TBCD: variants seen among roughly 807,000 people sequenced by gnomAD.
The protein encoded by TBCD is tubulin folding cofactor D, also known as tubulin-specific chaperone D.
Under a neutral mutation model 169.3 loss-of-function variants are expected in TBCD, and 105 were observed. That is an observed-to-expected ratio of 0.62 (90% CI 0.53 to 0.73). The LOEUF (loss-of-function observed/expected upper bound fraction) is 0.73, where lower values mean the gene tolerates loss of function less well. Ranked by LOEUF, TBCD falls within the 30% of genes least tolerant of loss-of-function variation. TBCD has a pLI of 0.00. For missense variants in TBCD, 1,444 were observed against 1,600.1 expected (o/e 0.90, Z 1.66); for synonymous variants, 700 against 643.9 (o/e 1.09, Z -1.32).
intron 20 of TBCD, 62 bp from the exon 21 acceptor site, chr17:82,907,699 A>G: frequency 1.3e-6 from 2 of 1,587,914 alleles, no homozygotes; most frequent in Non-Finnish European, 1.7e-6. Context: ...AGCTCCTCCG[A>G]GTGTACTCGG....
At chr17:82,814,756 C>T in intron 12 of TBCD, 84 bp from the exon 13 acceptor site, 1 of 1,322,868 alleles carries the variant, frequency 7.6e-7, no homozygotes, top group Non-Finnish European at 1.1e-6. Flanking sequence ...ATGGACCTGC[C>T]AGGCTGTGCT....
intron 17 of TBCD, among the ~76,000 whole-genome samples, chr17:82,894,186 T>C (rs1262842723): frequency 1.3e-5 from 1 of 79,858 alleles, no homozygotes; most frequent in African/African-American, 6.7e-5. Context: ...TAGAAACAAA[T>C]GTTTAGCACC....
At chr17:82,893,667 C>A in intron 17 of TBCD, 35 bp downstream of exon 17, 1 of 1,454,394 alleles carries the variant, frequency 6.9e-7, no homozygotes, top group Non-Finnish European at 9.4e-7. Flanking sequence ...AAATAGAATA[C>A]TCTAAAATCA....
At chr17:82,776,553 G>C (rs1218366095) in intron 6 of TBCD, among the ~76,000 whole-genome samples, 1 of 152,216 alleles carries the variant, frequency 6.6e-6, no homozygotes, top group Non-Finnish European at 1.5e-5. Flanking sequence ...GTCAGAGTCA[G>C]CACTGTGCTT....
rs1419944659 is a variant in TBCD, at chr17:82,889,026, G to A, written c.1534-642G>A. ...TGGGAAGGACGGGGCACCAGCTGGT[G>A]ACACATGGGAAGGGAGGTGTGGTTG... On this transcript the variant is annotated intron_variant, in intron 15 of 38. Coordinates refer to ENST00000355528, the MANE Select transcript of TBCD (RefSeq NM_005993.5). The surrounding 1 kb of genome is among the most constrained non-coding windows in gnomAD (Gnocchi z 5.3). Among the ~76,000 whole-genome samples the A allele has an allele frequency of 6.6e-6, 1 of 152,214 alleles. No individual in the cohort carries two copies. The highest frequency in any genetic ancestry group is 1.5e-5 in the Non-Finnish European group (1 of 68,026).
chr17:82,939,548 CT>C, intron 37 of TBCD, 72 bp downstream of exon 37: 1 of 1,212,172 alleles, frequency 8.2e-7, no homozygotes. Context: ...ACCGTGTCTA[CT>C]CGTCTCTCCC....
intron 21 of TBCD, chr17:82,908,448 A>T: frequency 2.2e-6 from 1 of 452,920 alleles, no homozygotes; most frequent in Non-Finnish European, 4.4e-6. Context: ...GTAAAGTATG[A>T]ACTATGGATC....
chr17:82,823,043 G>A (rs1422414999), intron 13 of TBCD, among the ~76,000 whole-genome samples: 1 of 152,240 alleles, frequency 6.6e-6, no homozygotes, highest in East Asian at 1.9e-4. Flanking sequence ...CTGAGAGGGG[G>A]AAGGGGTGGA....
chr17:82,815,800 C>T (rs2051845991), intron 13 of TBCD, among the ~76,000 whole-genome samples: 1 of 152,156 alleles, frequency 6.6e-6, no homozygotes, highest in Admixed American at 6.5e-5. Flanking sequence ...GACCGCTTTG[C>T]ACTTGGCATT....
intron 13 of TBCD, chr17:82,829,995 T>TTTTG (rs142352768): frequency 6.6e-5 from 82 of 1,237,876 alleles, no homozygotes; most frequent in East Asian, 3.9e-4. Flanking sequence ...TTGGAGGGTT[T>TTTTG]TTTGTTTGTT....
intron 2 of TBCD, among the ~76,000 whole-genome samples, chr17:82,759,888 G>GT (rs71885635): frequency 0.077 from 9,373 of 121,426 alleles, 843 homozygotes; most frequent in African/African-American, 0.21. Context: ...TCGTTTGTTT[G>GT]TTTTTTTTTT....
intron 16 of TBCD, among the ~76,000 whole-genome samples, 174 bp from the exon 17 acceptor site, chr17:82,893,373 G>T (rs1255952618): frequency 6.6e-6 from 1 of 152,260 alleles, no homozygotes; most frequent in Non-Finnish European, 1.5e-5. Context: ...CAGGAAGTCA[G>T]TGTGACGTGG....
chr17:82,849,372 C>T (rs373190380), intron 13 of TBCD, among the ~76,000 whole-genome samples: 1 of 152,264 alleles, frequency 6.6e-6, no homozygotes, highest in Non-Finnish European at 1.5e-5. Flanking sequence ...TGTTTCTCCT[C>T]AGCTAAGTCC....
chr17:82,798,232 C>T (rs975401287), intron 8 of TBCD, among the ~76,000 whole-genome samples: 14 of 151,242 alleles, frequency 9.3e-5, no homozygotes, highest in Admixed American at 5.3e-4. Context: ...CTGCAAACTC[C>T]GCCTCCTGGA....
intron 13 of TBCD, among the ~76,000 whole-genome samples, chr17:82,860,742 A>C (rs1175507898): frequency 6.6e-6 from 1 of 152,176 alleles, no homozygotes; most frequent in Non-Finnish European, 1.5e-5. Flanking sequence ...GTTCCACCCC[A>C]GCGCCCTTGT....
intron 13 of TBCD, among the ~76,000 whole-genome samples, chr17:82,841,387 G>A (rs1376907775): frequency 6.6e-6 from 1 of 151,158 alleles, no homozygotes; most frequent in Non-Finnish European, 1.5e-5. Flanking sequence ...GTGCGATCAC[G>A]GTTCACTGTA....
chr17:82,760,324 T>C (rs2047687671), intron 2 of TBCD, among the ~76,000 whole-genome samples: 1 of 152,238 alleles, frequency 6.6e-6, no homozygotes. Flanking sequence ...AATTCACAAA[T>C]TCATGTAGGG....
chr17:82,847,245 C>T (rs548559020), intron 13 of TBCD, among the ~76,000 whole-genome samples: 48 of 150,286 alleles, frequency 3.2e-4, no homozygotes, highest in Non-Finnish European at 5.9e-4. Context: ...CCCAACTACT[C>T]GGGAGGCTGA....
In TBCD at chr17:82,920,570, G is replaced by C; in HGVS notation, c.2053G>C (p.Glu685Gln). 6.0e-6 allele frequency: 9 copies of C among 1,496,878 alleles called. No homozygotes were observed. The highest frequency in any genetic ancestry group is 8.1e-6 in the Non-Finnish European group (9 of 1,107,098). The allele number at this position is 1,496,878 out of a possible 1,614,324, so 92.7% of individuals were successfully genotyped here. Reference sequence around the variant, plus strand: ...TTTTTTTCCAGTGTGTGTTTTAATAGAAAAGTTGTCACTTTCCAAAATGCC... The same window carrying C: ...TTTTTTTCCAGTGTGTGTTTTAATACAAAAGTTGTCACTTTCCAAAATGCC... ...LMRQAVCVLI[E>Q]KLSLSKMPFR... The change falls in exon 24 of 39, where the codon GAA becomes CAA. Residue 685 changes from glutamate (E) to glutamine (Q), a missense_variant. Transcript: ENST00000355528. The surrounding 1 kb of genome is among the most constrained non-coding windows in gnomAD (Gnocchi z 4.1).
Sources: gnomAD v4.1 joint callset for allele counts (sites outside exome capture counted in the v4.1 genomes callset) on GRCh38, gnomAD v4.1.1 for gene constraint, Gnocchi (gnomAD v3.1) non-coding constraint, MANE v1.5 for transcripts, NCBI Gene and HGNC (gene_info 2026-07-23, HGNC 2026-07-21) for gene names.